KANK4: variants seen among roughly 807,000 people sequenced by gnomAD.
KANK4 encodes the protein KN motif and ankyrin repeat domains 4.
KANK4 carries 50 observed loss-of-function variants against 80.8 expected under a neutral mutation model. That is an observed-to-expected ratio of 0.62 (90% CI 0.49 to 0.78). The LOEUF (loss-of-function observed/expected upper bound fraction) is 0.78, where lower values mean the gene tolerates loss of function less well. Ranked by LOEUF, KANK4 falls within the 30% of genes least tolerant of loss-of-function variation. KANK4 has a pLI of 0.00. For missense variants in KANK4, 1,196 were observed against 1,240.1 expected, an observed-to-expected ratio of 0.96 and a Z score of 0.53; for synonymous variants, 465 against 506.9, an observed-to-expected ratio of 0.92 and a Z score of 1.11.
intron 6 of KANK4, among the ~76,000 whole-genome samples, chr1:62,265,607 G>A (rs1443944764): frequency 6.6e-6 from 1 of 152,192 alleles, no homozygotes; most frequent in African/African-American, 2.4e-5. Flanking sequence ...ACAAAAATGA[G>A]TTGGGTAAGA....
In KANK4 at chr1:62,274,171, TG is replaced by T; in HGVS notation, c.932del (p.Pro311HisfsTer6). 1 of 1,614,064 alleles carries T rather than the reference TG, an allele frequency of 6.2e-7. No individual in the cohort carries two copies. Among genetic ancestry groups the T allele is most frequent in the South Asian group, 1.1e-5 (1 of 91,070 alleles). ...TGTCCACCTCTACAGGTGGCGGGGGTGGAATCTCGCTGATGTTGAGCTCGAT... is the reference window on the plus strand; with the variant it reads ...TGTCCACCTCTACAGGTGGCGGGGGTGAATCTCGCTGATGTTGAGCTCGAT... ...EEIELNISEIPPPPPVEVDMR... is the reference protein window; with the variant it reads ...EEIELNISEIXPPPPVEVDMR... On this transcript the variant is annotated frameshift_variant, in exon 3 of 10. Coordinates refer to ENST00000371153, the MANE Select transcript of KANK4 (RefSeq NM_181712.5). LOFTEE classifies it high-confidence loss of function.
intron 1 of KANK4, among the ~76,000 whole-genome samples, chr1:62,315,399 T>C (rs530266409): frequency 6.6e-5 from 10 of 152,330 alleles, no homozygotes; most frequent in African/African-American, 2.4e-4. Context: ...TGAGCCTCGA[T>C]TTCCTTACCT....
Position 62,238,316 on chromosome 1 carries a change from C to T in KANK4, c.2949G>A (p.Leu983=). 1.2e-6 allele frequency: 2 copies of T among 1,614,090 alleles called. No individual in the cohort carries two copies. Among genetic ancestry groups the T allele is most frequent in the Non-Finnish European group, 1.7e-6 (2 of 1,179,996 alleles). ...ACCTGCCCTGCTCCGCGTGGGCTCTCAGAAGCCCAGCAATTTCCATATGGG... is the reference window on the plus strand; with the variant it reads ...ACCTGCCCTGCTCCGCGTGGGCTCTTAGAAGCCCAGCAATTTCCATATGGG... The part of the protein sequence containing the change: ...SPTHMEIAGL[L]RAHAEQGRSL... Residue 983 remains leucine, a synonymous_variant, in exon 10 of 10, where the codon CTG becomes CTA. Coordinates refer to ENST00000371153, the MANE Select transcript of KANK4 (RefSeq NM_181712.5).
At chr1:62,253,669 C>T (rs533421564) in intron 7 of KANK4, among the ~76,000 whole-genome samples, 7 of 152,242 alleles carry the variant, frequency 4.6e-5, no homozygotes, top group Admixed American at 3.3e-4. Flanking sequence ...TCCTTGGCTT[C>T]GCAAAGTGCT....
intron 1 of KANK4, among the ~76,000 whole-genome samples, chr1:62,287,267 G>T (rs757282514): frequency 6.6e-6 from 1 of 152,194 alleles, no homozygotes; most frequent in Admixed American, 6.5e-5. Flanking sequence ...CCAGGAAAGC[G>T]TCTGGGTTCC....
chr1:62,249,009 A>G (rs1192065739), intron 8 of KANK4, among the ~76,000 whole-genome samples: 4 of 150,432 alleles, frequency 2.7e-5, no homozygotes, highest in African/African-American at 4.9e-5. Context: ...CTAAAAAAAA[A>G]AAAAAAATAC....
At chr1:62,240,116 C>T (rs1368878791) in intron 9 of KANK4, among the ~76,000 whole-genome samples, 4 of 152,222 alleles carry the variant, frequency 2.6e-5, no homozygotes, top group African/African-American at 9.6e-5. Flanking sequence ...GTTGAACTAG[C>T]TTACAGTCCC....
intron 6 of KANK4, among the ~76,000 whole-genome samples, chr1:62,263,991 G>A (rs1458082132): frequency 6.6e-6 from 1 of 152,218 alleles, no homozygotes; most frequent in Non-Finnish European, 1.5e-5. Context: ...TGTGTGACAT[G>A]AGCTCAGTGT....
At chr1:62,281,003 C>T (rs1300708910) in intron 2 of KANK4, among the ~76,000 whole-genome samples, 3 of 152,134 alleles carry the variant, frequency 2.0e-5, no homozygotes, top group African/African-American at 7.2e-5. Context: ...TCTTCTGTCA[C>T]CATGTGAACA....
chr1:62,257,162 A>G (rs2666477), intron 7 of KANK4, among the ~76,000 whole-genome samples: 2,448 of 150,816 alleles, frequency 0.016, 59 homozygotes, highest in African/African-American at 0.056. Flanking sequence ...ATCTCGGCTC[A>G]CTGTAACCTC....
At chr1:62,294,629 A>C (rs781217977) in intron 1 of KANK4, among the ~76,000 whole-genome samples, 2 of 96,040 alleles carry the variant, frequency 2.1e-5, no homozygotes, top group Non-Finnish European at 4.2e-5. Flanking sequence ...ACTGAGGCTA[A>C]GTGATCCCCA....
At chr1:62,277,164 T>C (rs1320190169) in intron 2 of KANK4, among the ~76,000 whole-genome samples, 1 of 152,220 alleles carries the variant, frequency 6.6e-6, no homozygotes, top group African/African-American at 2.4e-5. Context: ...TGCAGTGAGA[T>C]AGGGAGAGTA....
At chr1:62,266,937 T>G in intron 5 of KANK4, 118 bp from the exon 6 acceptor site, 1 of 650,676 alleles carries the variant, frequency 1.5e-6, no homozygotes, top group South Asian at 1.9e-5. Context: ...ACTGGGCAAC[T>G]GCCCTAGGAG....
At chr1:62,302,807 GCA>G (rs1453524755) in intron 1 of KANK4, among the ~76,000 whole-genome samples, 2 of 152,120 alleles carry the variant, frequency 1.3e-5, no homozygotes, top group Non-Finnish European at 2.9e-5. Flanking sequence ...GTTTGTAATA[GCA>G]ACCCAAATGG....
At position 62,247,499 on chromosome 1, in the gene KANK4, T is replaced by TGGGTGTGCCAGGAGC. The variant is rs1553126987; in HGVS notation, c.2841_2855dup (p.Leu948_Pro952dup). Reference sequence around the variant, plus strand: ...TGTCAGTCAGGCTGCTGTCGCAGGCTGGGTGTGCCAGGAGCAGCCGCACCA... The same window carrying TGGGTGTGCCAGGAGC: ...TGTCAGTCAGGCTGCTGTCGCAGGCTGGGTGTGCCAGGAGCGGGTGTGCCAGGAGCAGCCGCACCA... On this transcript the variant is annotated inframe_insertion, in exon 9 of 10. Coordinates refer to ENST00000371153, the MANE Select transcript of KANK4 (RefSeq NM_181712.5). The TGGGTGTGCCAGGAGC allele has an allele frequency of 1.9e-6, 3 of 1,613,912 alleles. No individual in the cohort carries two copies. The highest frequency in any genetic ancestry group is 1.1e-5 in the South Asian group (1 of 91,084).
rs1671209248 is a variant in KANK4 at position 62,236,693 on chromosome 1, C to T, written c.*1584G>A. Among the ~76,000 whole-genome samples the T allele has an allele frequency of 6.7e-6, 1 of 148,944 alleles. No individual in the cohort carries two copies. Among genetic ancestry groups the T allele is most frequent in the Non-Finnish European group, 1.5e-5 (1 of 67,674 alleles). ...CACTGAAACCTCCGCCTCCCGGGTT[C>T]AAGTGAGTCTCCTGCCTCAGCCTCC... On this transcript the variant is annotated 3_prime_UTR_variant, in exon 10 of 10. Transcript: ENST00000371153.
chr1:62,245,472 G>A (rs1671443303), intron 9 of KANK4, among the ~76,000 whole-genome samples: 2 of 152,166 alleles, frequency 1.3e-5, no homozygotes, highest in Non-Finnish European at 2.9e-5. Context: ...AAGAGGTGCT[G>A]TCCCTGGGCA....
chr1:62,270,898 T>C (rs778074838), intron 4 of KANK4, among the ~76,000 whole-genome samples: 4 of 152,176 alleles, frequency 2.6e-5, no homozygotes, highest in African/African-American at 9.7e-5. Flanking sequence ...GAGACCTTTA[T>C]TTATTTGACT....
intron 1 of KANK4, among the ~76,000 whole-genome samples, chr1:62,312,763 T>C (rs937889841): frequency 6.6e-6 from 1 of 152,234 alleles, no homozygotes; most frequent in African/African-American, 2.4e-5. Flanking sequence ...TCTCTGGAAC[T>C]TGAAGTCAGC....
Sources: gnomAD v4.1 joint callset for allele counts (sites outside exome capture counted in the v4.1 genomes callset) on GRCh38, gnomAD v4.1.1 for gene constraint, MANE v1.5 for transcripts, NCBI Gene and HGNC (gene_info 2026-07-23, HGNC 2026-07-21) for gene names.